TTC24: variants seen among roughly 807,000 people sequenced by gnomAD.
TTC24 encodes tetratricopeptide repeat domain 24, also known as tetratricopeptide repeat protein 24.
Under a neutral mutation model 63.3 loss-of-function variants are expected in TTC24, and 54 were observed. The ratio of observed to expected loss-of-function variants is 0.85; its 90% CI spans 0.69 to 1.07. The LOEUF is 1.07. TTC24 is among the 50% of genes least tolerant of loss of function. The pLI, the probability that TTC24 is intolerant of heterozygous loss-of-function variation, is 0.00. For missense variants in TTC24, 680 were observed against 730.5 expected, an observed-to-expected ratio of 0.93 and a Z score of 0.80; for synonymous variants, 276 against 304.3, an observed-to-expected ratio of 0.91 and a Z score of 0.97.
At chr1:156,584,506 T>G (rs189622917) in intron 6 of TTC24, 107 of 203,906 alleles carry the variant, frequency 5.2e-4, no homozygotes, top group African/African-American at 2.2e-3. Context: ...AAAGACACCA[T>G]ATTTTAAATC....
chr1:156,581,051 T>C (rs183135419), intron 1 of TTC24, among the ~76,000 whole-genome samples: 3 of 152,312 alleles, frequency 2.0e-5, no homozygotes, highest in Admixed American at 2.0e-4. Context: ...ATAAATGCTA[T>C]AAAAGACATA....
chr1:156,585,244 A>T lies in TTC24; in HGVS notation c.1456+13A>T. On this transcript the variant is annotated intron_variant, in intron 8 of 10. Transcript: ENST00000368236. ...GGAAGACCAGAGCGTGAGTTGATGT[A>T]GAGTATTCCTGGCGGTGCCTCTCCT... 4 of 1,594,078 alleles carry T rather than the reference A, an allele frequency of 2.5e-6. No homozygotes were observed. The highest frequency in any genetic ancestry group is 3.4e-6 in the Non-Finnish European group (4 of 1,167,774).
intron 3 of TTC24, among the ~76,000 whole-genome samples, 167 bp downstream of exon 3, chr1:156,582,601 C>T (rs1677031768): frequency 1.3e-5 from 2 of 152,132 alleles, no homozygotes; most frequent in African/African-American, 4.8e-5. Flanking sequence ...GACAGCCAGA[C>T]AGGACAGAGG....
At position 156,581,957 on chromosome 1, in the gene TTC24, G is replaced by C; in HGVS notation, c.593G>C (p.Gly198Ala). The C allele has an allele frequency of 6.5e-7, 1 of 1,536,822 alleles. No individual in the cohort carries two copies. Among genetic ancestry groups the C allele is most frequent in the Non-Finnish European group, 8.8e-7 (1 of 1,142,132 alleles). Reference protein sequence around the residue: ...RQLRAAALALGAAAGCMLKSG... With the variant: ...RQLRAAALALAAAAGCMLKSG... ...CTGCGGGCCGCAGCCCTGGCACTGG[G>C]GGCTGCGGCAGGATGTATGCTGAAG... Residue 198 changes from glycine (G) to alanine (A), a missense_variant, in exon 2 of 11, where the codon GGG (glycine) becomes GCG (alanine). Physicochemically the swap from Gly to Ala is moderately conservative, Grantham distance 60 (BLOSUM62 0). Coordinates refer to ENST00000368236, the MANE Select transcript of TTC24 (RefSeq NM_001105669.4).
Position 156,583,233 on chromosome 1 carries a change from G to A in TTC24, c.1039+63G>A. ...GGGAGGCTGAGGGTCCTAGGGGCTG[G>A]CGGGGAGGCAGATGGGGGGAACTGA... On this transcript the variant is annotated intron_variant, in intron 4 of 10. Coordinates refer to ENST00000368236, the MANE Select transcript of TTC24 (RefSeq NM_001105669.4). This position sits in a 1 kb window ranked among gnomAD's most constrained non-coding sequence, Gnocchi z 4.0. The A allele has an allele frequency of 1.2e-6, 2 of 1,610,128 alleles. No homozygotes were observed. Among genetic ancestry groups the A allele is most frequent in the South Asian group, 2.2e-5 (2 of 90,766 alleles).
In TTC24 at chr1:156,586,020, G is replaced by C; in HGVS notation, c.1642G>C (p.Val548Leu). The stretch of plus-strand genomic sequence containing the variant: ...CAGAGCGGAGTACCCTAGCATCTTG[G>C]TACCCAATGGCCCTCAAGCCAATAG... Reference protein sequence around the residue: ...PPRAEYPSILVPNGPQANRSS... With the variant: ...PPRAEYPSILLPNGPQANRSS... Residue 548 changes from valine (V) to leucine (L), a missense_variant, in exon 10 of 11, where the codon GTA (valine) becomes CTA (leucine). Coordinates refer to ENST00000368236, the MANE Select transcript of TTC24 (RefSeq NM_001105669.4). 1 of 1,578,452 alleles carries C rather than the reference G, an allele frequency of 6.3e-7. No homozygotes were observed. Among genetic ancestry groups the C allele is most frequent in the Non-Finnish European group, 8.6e-7 (1 of 1,161,930 alleles).
Position 156,585,726 on chromosome 1 carries a change from A to G in TTC24, c.1470A>G (p.Pro490=). ...GPGRPELCFL[P]GTVNHSHHLA... Reference sequence around the variant, plus strand: ...TCTCCTTTTCAGTGTGTTTCCTTCCAGGCACAGTGAATCATTCGCACCATC... The same window carrying G: ...TCTCCTTTTCAGTGTGTTTCCTTCCGGGCACAGTGAATCATTCGCACCATC... Residue 490 remains proline, a synonymous_variant, in exon 9 of 11, where the codon CCA becomes CCG. Transcript: ENST00000368236. 1.2e-6 allele frequency: 2 copies of G among 1,613,496 alleles called. No homozygotes were observed. The highest frequency in any genetic ancestry group is 1.7e-6 in the Non-Finnish European group (2 of 1,179,476).
Position 156,585,724 on chromosome 1 carries a change from C to A in TTC24, c.1468C>A (p.Pro490Thr). 1 of 1,613,172 alleles carries A rather than the reference C, an allele frequency of 6.2e-7. No individual in the cohort carries two copies. The highest frequency in any genetic ancestry group is 8.5e-7 in the Non-Finnish European group (1 of 1,179,174). ...TGTCTCCTTTTCAGTGTGTTTCCTT[C>A]CAGGCACAGTGAATCATTCGCACCA... ...GPGRPELCFL[P>T]GTVNHSHHLA... Residue 490 changes from proline (P) to threonine (T), a missense_variant, in exon 9 of 11, where the codon CCA becomes ACA. Transcript: ENST00000368236.
At position 156,583,707 on chromosome 1, in the gene TTC24, C is replaced by A. The variant is rs112650008; in HGVS notation, c.1153-90C>A. On this transcript the variant is annotated intron_variant, in intron 5 of 10. Coordinates refer to ENST00000368236, the MANE Select transcript of TTC24 (RefSeq NM_001105669.4). This position sits in a 1 kb window ranked among gnomAD's most constrained non-coding sequence, Gnocchi z 4.0. ...GAGGGGAAACAAAGCCCCCCTCCCC[C>A]CTCCCTTTCCTGTTTCCTTCTTCCC... 9.7e-7 allele frequency: 1 copy of A among 1,029,464 alleles called. No homozygotes were observed. The highest frequency in any genetic ancestry group is 1.5e-6 in the Non-Finnish European group (1 of 687,732). 63.8% of individuals were successfully genotyped at this position (1,029,464 alleles called of 1,614,324 possible).
At chr1:156,581,309 A>C in intron 1 of TTC24, 52 bp from the exon 2 acceptor site, 1 of 1,371,950 alleles carries the variant, frequency 7.3e-7, no homozygotes, top group Non-Finnish European at 9.7e-7. Flanking sequence ...GGGTCCTGCT[A>C]TCTAGAGGAA....
chr1:156,583,537 ATCAC>A lies in TTC24; in HGVS notation c.1152+95_1152+98del, dbSNP rs1261699142. 5.3e-6 allele frequency: 6 copies of A among 1,127,044 alleles called. No individual in the cohort carries two copies. In the Admixed American group the frequency reaches 7.9e-5, roughly 15 times the overall value. 69.8% of individuals were successfully genotyped at this position (1,127,044 alleles called of 1,614,324 possible). On this transcript the variant is annotated intron_variant, in intron 5 of 10. Transcript: ENST00000368236. The surrounding 1 kb of genome is among the most constrained non-coding windows in gnomAD (Gnocchi z 4.0). ...TGCCTTCACTCCTTGTCTTCTCCCCATCACTCACTCAATCAGCAAACATGCACTG... is the reference window on the plus strand; with the variant it reads ...TGCCTTCACTCCTTGTCTTCTCCCCATCACTCAATCAGCAAACATGCACTG...
Position 156,581,905 on chromosome 1 carries a change from A to AGCCAG in TTC24, c.545_549dup (p.Tyr184ArgfsTer24), listed in dbSNP as rs1367697927. 15 of 1,548,526 alleles carry AGCCAG rather than the reference A, an allele frequency of 9.7e-6. No homozygotes were observed. The Admixed American group carries it at 2.4e-4, about 25-fold the overall frequency. On this transcript the variant is annotated frameshift_variant, in exon 2 of 11. Coordinates refer to ENST00000368236, the MANE Select transcript of TTC24 (RefSeq NM_001105669.4). LOFTEE classifies it high-confidence loss of function. ...AGCAGCCCACTGCCTGCAGGAAGCAAGCCAGGCCTATGCTCAAGAGAGACA... is the reference window on the plus strand; with the variant it reads ...AGCAGCCCACTGCCTGCAGGAAGCAAGCCAGGCCAGGCCTATGCTCAAGAGAGACA...
chr1:156,586,613 G>C lies in TTC24; in HGVS notation c.*63G>C. On this transcript the variant is annotated 3_prime_UTR_variant, in exon 11 of 11. Transcript: ENST00000368236. ...CCTGTCCAACACGCACACACTAGGGGGTCCTGGGGACCAAGCCTCTTCCCA... is the reference window on the plus strand; with the variant it reads ...CCTGTCCAACACGCACACACTAGGGCGTCCTGGGGACCAAGCCTCTTCCCA... 1 of 1,454,938 alleles carries C rather than the reference G, an allele frequency of 6.9e-7. No homozygotes were observed. Among genetic ancestry groups the C allele is most frequent in the Non-Finnish European group, 9.5e-7 (1 of 1,050,190 alleles). 90.1% of individuals were successfully genotyped at this position (1,454,938 alleles called of 1,614,324 possible).
intron 3 of TTC24, 80 bp downstream of exon 3, chr1:156,582,514 T>C: frequency 7.5e-7 from 1 of 1,329,260 alleles, no homozygotes; most frequent in African/African-American, 1.4e-5. Flanking sequence ...GGCTTAAGGG[T>C]GGATGGCCCT....
At position 156,581,360 on chromosome 1, in the gene TTC24, G is replaced by C. The variant is rs1197825701; in HGVS notation, c.-4-1G>C. On this transcript the variant is annotated splice_acceptor_variant, in intron 1 of 10. Transcript: ENST00000368236. LOFTEE classifies it low-confidence loss of function (5UTR_SPLICE). ...CTGAGCCCTCTGTTCCCCTTTGTCA[G>C]CCCTATGTCTTCCCCCAACCCTGAG... is the stretch of plus-strand genomic sequence containing the variant. 6.7e-7 allele frequency: 1 copy of C among 1,484,076 alleles called. No individual in the cohort carries two copies. Among genetic ancestry groups the C allele is most frequent in the Non-Finnish European group, 9.0e-7 (1 of 1,115,138 alleles). The allele number at this position is 1,484,076 out of a possible 1,614,324, so 91.9% of individuals were successfully genotyped here.
chr1:156,582,456 A>T (rs1282650251), intron 3 of TTC24, 22 bp downstream of exon 3: 1 of 1,610,084 alleles, frequency 6.2e-7, no homozygotes, highest in Non-Finnish European at 8.5e-7. Flanking sequence ...GGGCCGGGGA[A>T]TGGGACTGGG....
chr1:156,579,865 G>A (rs1320310405), intron 1 of TTC24, 107 bp downstream of exon 1: 2 of 152,194 alleles, frequency 1.3e-5, no homozygotes, highest in South Asian at 4.1e-4. Flanking sequence ...CTTAGAAGCA[G>A]GGGGAATTTC....
rs200918183 is a variant in TTC24 at position 156,580,228 on chromosome 1, C to A, written c.-5+470C>A. On this transcript the variant is annotated intron_variant, in intron 1 of 10. Coordinates refer to ENST00000368236, the MANE Select transcript of TTC24 (RefSeq NM_001105669.4). ...TTCTGTCCCACACCACACTCCTTTT[C>A]AGAAAATCCTTCTCTCCTGGAGGTT... Among the ~76,000 whole-genome samples the A allele has an allele frequency of 2.0e-5, 3 of 152,154 alleles. No homozygotes were observed. The East Asian group carries it at 5.8e-4, about 29-fold the overall frequency.
In TTC24 at chr1:156,582,471, A is replaced by T. The variant is rs745835770; in HGVS notation, c.910+37A>T. 10 of 1,594,710 alleles carry T rather than the reference A, an allele frequency of 6.3e-6. No individual in the cohort carries two copies. In the East Asian group the frequency reaches 2.2e-4, roughly 36 times the overall value. On this transcript the variant is annotated intron_variant, in intron 3 of 10. Transcript: ENST00000368236. Reference sequence around the variant, plus strand: ...GGGCCGGGGAATGGGACTGGGACTAAGACACTAAGAAGGGGTTCCAAAAGG... The same window carrying T: ...GGGCCGGGGAATGGGACTGGGACTATGACACTAAGAAGGGGTTCCAAAAGG...
Sources: gnomAD v4.1 joint callset for allele counts (sites outside exome capture counted in the v4.1 genomes callset) on GRCh38, gnomAD v4.1.1 for gene constraint, Gnocchi (gnomAD v3.1) non-coding constraint, MANE v1.5 for transcripts, NCBI Gene and HGNC (gene_info 2026-07-23, HGNC 2026-07-21) for gene names.